The following ZSCAN22 variants were observed in gnomAD, a reference collection of about 807,000 sequenced individuals.
ZSCAN22 encodes zinc finger and SCAN domain-containing protein 22.
ZSCAN22 carries 7 observed loss-of-function variants against 12.4 expected under a neutral mutation model. The observed-to-expected ratio is 0.57, with a 90% CI of 0.32 to 1.06. The LOEUF is 1.06. ZSCAN22 is among the 50% of genes least tolerant of loss of function. ZSCAN22 has a pLI of 0.04. For missense variants in ZSCAN22, 576 were observed against 631.7 expected, an observed-to-expected ratio of 0.91 and a Z score of 0.94; for synonymous variants, 243 against 255.9, an observed-to-expected ratio of 0.95 and a Z score of 0.48.
intron 1 of ZSCAN22, among the ~76,000 whole-genome samples, chr19:58,327,338 G>T (rs2147979014): frequency 6.6e-6 from 1 of 152,218 alleles, no homozygotes; most frequent in Non-Finnish European, 1.5e-5. Context: ...GACCGTGTGT[G>T]CACGGACTGA....
At chr19:58,331,177 T>G (rs141858770) in intron 1 of ZSCAN22, among the ~76,000 whole-genome samples, 63 of 151,306 alleles carry the variant, frequency 4.2e-4, no homozygotes, top group Non-Finnish European at 3.8e-4. Flanking sequence ...AGGCCTGACT[T>G]AAATAAGGGA....
chr19:58,331,617 T>C (rs554654175), intron 1 of ZSCAN22, among the ~76,000 whole-genome samples: 16 of 150,126 alleles, frequency 1.1e-4, no homozygotes, highest in South Asian at 8.4e-4. Context: ...TGATCTCGGC[T>C]CACTGCAATC....
rs774929434 is a variant in ZSCAN22 at position 58,334,889 on chromosome 19, C to T, written c.87C>T (p.Ala29=). ...TGAAGGTGGAGGAGGAAGAGGAAGC[C>T]AGCCTCTCCCAGGGCGGAGAATCCA... is the stretch of plus-strand genomic sequence containing the variant. ...LQVKVEEEEE[A]SLSQGGESSH... is the part of the protein sequence containing the mutation. Residue 29 remains alanine (A), a synonymous_variant, in exon 2 of 3, where the codon GCC becomes GCT. Coordinates refer to ENST00000329665, the MANE Select transcript of ZSCAN22 (RefSeq NM_181846.3). The T allele has an allele frequency of 6.2e-7, 1 of 1,614,030 alleles. No individual in the cohort carries two copies. The highest frequency in any genetic ancestry group is 8.5e-7 in the Non-Finnish European group (1 of 1,180,034).
Position 58,339,356 on chromosome 19 carries a change from G to C in ZSCAN22, c.*30G>C. On this transcript the variant is annotated 3_prime_UTR_variant, in exon 3 of 3. Coordinates refer to ENST00000329665, the MANE Select transcript of ZSCAN22 (RefSeq NM_181846.3). This position sits in a 1 kb window ranked among gnomAD's most constrained non-coding sequence, Gnocchi z 5.6. Reference sequence around the variant, plus strand: ...AAGTCGCCCCTGGGGGCGTAGCACAGCGTCTTCTCGGAGGCTCGAGGTCTA... The same window carrying C: ...AAGTCGCCCCTGGGGGCGTAGCACACCGTCTTCTCGGAGGCTCGAGGTCTA... The C allele has an allele frequency of 1.9e-6, 3 of 1,547,612 alleles. No individual in the cohort carries two copies. The highest frequency in any genetic ancestry group is 1.7e-6 in the Non-Finnish European group (2 of 1,145,490).
Position 58,338,682 on chromosome 19 carries a change from C to T in ZSCAN22, c.832C>T (p.Gln278Ter), listed in dbSNP as rs770632398. The change falls in exon 3 of 3, where the codon CAG becomes TAG. Residue 278 changes from glutamine (Q) to a stop codon, truncating the protein, a stop_gained. Coordinates refer to ENST00000329665, the MANE Select transcript of ZSCAN22 (RefSeq NM_181846.3). LOFTEE classifies it low-confidence loss of function (END_TRUNC). This position sits in a 1 kb window ranked among gnomAD's most constrained non-coding sequence, Gnocchi z 5.4. ...SKCRECRKMF[Q>*]SASALEAHQK... ...GTGTCGCGAGTGTAGGAAGATGTTC[C>T]AGAGTGCTTCGGCGCTCGAGGCACA... 1.2e-6 allele frequency: 2 copies of T among 1,614,230 alleles called. No individual in the cohort carries two copies. Among genetic ancestry groups the T allele is most frequent in the South Asian group, 2.2e-5 (2 of 91,086 alleles).
At position 58,339,313 on chromosome 19, in the gene ZSCAN22, C is replaced by A. The variant is rs772794450; in HGVS notation, c.1463C>A (p.Thr488Lys). The stretch of plus-strand genomic sequence containing the variant: ...ATGGTTCACTTGCGGATCCACATCA[C>A]GGTGCTGCAATGACCGGAAGTCGCC... ...ALMVHLRIHI[T>K]VLQ The change falls in exon 3 of 3, where the codon ACG (threonine) becomes AAG (lysine). Residue 488 changes from threonine to lysine, a missense_variant. Thr to Lys is a moderately conservative substitution (Grantham distance 78, BLOSUM62 -1). Coordinates refer to ENST00000329665, the MANE Select transcript of ZSCAN22 (RefSeq NM_181846.3). This position sits in a 1 kb window ranked among gnomAD's most constrained non-coding sequence, Gnocchi z 5.6. 6.2e-7 allele frequency: 1 copy of A among 1,608,522 alleles called. No individual in the cohort carries two copies. The highest frequency in any genetic ancestry group is 1.1e-5 in the South Asian group (1 of 90,432).
rs1348827035 is a variant in ZSCAN22, at chr19:58,335,052, T to C, written c.250T>C (p.Ser84Pro). ...TCAGTGGCTGCAGCCCGAGGCGCAC[T>C]CCAAGGAGCAGATACTGGAGCTGCT... is the stretch of plus-strand genomic sequence containing the variant. The part of the protein sequence containing the change: ...CCQWLQPEAH[S>P]KEQILELLVL... The change falls in exon 2 of 3, where the codon TCC (serine) becomes CCC (proline). Residue 84 changes from serine to proline, a missense_variant. Transcript: ENST00000329665. This position sits in a 1 kb window ranked among gnomAD's most constrained non-coding sequence, Gnocchi z 4.1. The C allele has an allele frequency of 8.1e-6, 13 of 1,614,038 alleles. No individual in the cohort carries two copies. The highest frequency in any genetic ancestry group is 2.2e-5 in the East Asian group (1 of 44,870).
rs2147987855 is a variant in ZSCAN22, at chr19:58,335,396, C to G, written c.403+191C>G. Among the ~76,000 whole-genome samples, 1 of 152,274 alleles carries G rather than the reference C, an allele frequency of 6.6e-6. No individual in the cohort carries two copies. Among genetic ancestry groups the G allele is most frequent in the South Asian group, 2.1e-4 (1 of 4,830 alleles). ...GTGACCAAAAGCGAGCTGAAATGGG[C>G]TGAAGCAAAGAAGGGTAAGGAGGCA... On this transcript the variant is annotated intron_variant, in intron 2 of 2. Transcript: ENST00000329665. This position sits in a 1 kb window ranked among gnomAD's most constrained non-coding sequence, Gnocchi z 4.1.
chr19:58,333,769 G>A (rs1391356684), intron 1 of ZSCAN22, among the ~76,000 whole-genome samples: 2 of 152,226 alleles, frequency 1.3e-5, no homozygotes, highest in African/African-American at 2.4e-5. Flanking sequence ...GCTTGAACCC[G>A]GGAGGCGGAG....
chr19:58,327,177 G>A (rs1267258350), intron 1 of ZSCAN22, 63 bp downstream of exon 1: 1 of 152,646 alleles, frequency 6.6e-6, no homozygotes, highest in Non-Finnish European at 1.5e-5. Context: ...AGGTCCAGAA[G>A]CCGCGAACCT....
At position 58,341,330 on chromosome 19, in the gene ZSCAN22, G is replaced by T. The variant is rs2051872785; in HGVS notation, c.*2004G>T. The T allele has an allele frequency of 1.3e-5, 2 of 152,148 alleles. No homozygotes were observed. Among genetic ancestry groups the T allele is most frequent in the Admixed American group, 1.3e-4 (2 of 15,270 alleles). The allele number at this position is 152,148 out of a possible 1,614,324, so 9.4% of individuals were successfully genotyped here. A position where few individuals can be genotyped will look rare whatever the true frequency, so the allele number is the denominator to read the frequency against. ...TTCTCTGGTCTTCTCTCACAATGCTGCATCCCTGTCCCATTTTTAGGGTCC... is the reference window on the plus strand; with the variant it reads ...TTCTCTGGTCTTCTCTCACAATGCTTCATCCCTGTCCCATTTTTAGGGTCC... On this transcript the variant is annotated 3_prime_UTR_variant, in exon 3 of 3. Transcript: ENST00000329665.
Position 58,338,573 on chromosome 19 carries a change from G to A in ZSCAN22, c.723G>A (p.Lys241=). 1 of 1,614,258 alleles carries A rather than the reference G, an allele frequency of 6.2e-7. No homozygotes were observed. Among genetic ancestry groups the A allele is most frequent in the Non-Finnish European group, 8.5e-7 (1 of 1,180,058 alleles). The part of the protein sequence containing the change: ...SAWPNLTSQE[K]PPSEDKFDLV... ...GGCCAAACCTCACCTCCCAAGAGAA[G>A]CCTCCTTCAGAAGACAAATTTGATC... Residue 241 remains lysine, a synonymous_variant, in exon 3 of 3, where the codon AAG becomes AAA. Transcript: ENST00000329665. The surrounding 1 kb of genome is among the most constrained non-coding windows in gnomAD (Gnocchi z 5.4).
In ZSCAN22 at chr19:58,334,735, C is replaced by T. The variant is rs778043693; in HGVS notation, c.-51-17C>T. 1.4e-6 allele frequency: 2 copies of T among 1,475,876 alleles called. No individual in the cohort carries two copies. The highest frequency in any genetic ancestry group is 9.0e-7 in the Non-Finnish European group (1 of 1,111,038). The allele number at this position is 1,475,876 out of a possible 1,614,324, so 91.4% of individuals were successfully genotyped here. Reference sequence around the variant, plus strand: ...GCCCAGGTTCCATGTGATGCTGAAGCTCTGACATTCCTGCAGGCCCAGTTC... The same window carrying T: ...GCCCAGGTTCCATGTGATGCTGAAGTTCTGACATTCCTGCAGGCCCAGTTC... On this transcript the variant is annotated splice_polypyrimidine_tract_variant and intron_variant, in intron 1 of 2. Coordinates refer to ENST00000329665, the MANE Select transcript of ZSCAN22 (RefSeq NM_181846.3).
chr19:58,333,705 A>C (rs1039533558), intron 1 of ZSCAN22, among the ~76,000 whole-genome samples: 2 of 152,156 alleles, frequency 1.3e-5, no homozygotes, highest in Non-Finnish European at 2.9e-5. Context: ...TTAGCCTCAC[A>C]TGGTGGTGCA....
chr19:58,334,214 T>C (rs2051761984), intron 1 of ZSCAN22, among the ~76,000 whole-genome samples: 1 of 152,252 alleles, frequency 6.6e-6, no homozygotes, highest in African/African-American at 2.4e-5. Flanking sequence ...AACCCTTCAC[T>C]AGCTGAGGGA....
At chr19:58,337,933 CCTCTCTCTCTGT>C (rs2051816667) in intron 2 of ZSCAN22, among the ~76,000 whole-genome samples, 1 of 152,216 alleles carries the variant, frequency 6.6e-6, no homozygotes, top group Non-Finnish European at 1.5e-5. Flanking sequence ...ACAGACCCTC[CCTCTCTCTCTGT>C]CTCCAGATCA....
At chr19:58,331,517 C>A in intron 1 of ZSCAN22, among the ~76,000 whole-genome samples, 1 of 100,604 alleles carries the variant, frequency 9.9e-6, no homozygotes, top group East Asian at 2.8e-4. Flanking sequence ...GTCCAGCTGA[C>A]GTTATTATTA....
intron 1 of ZSCAN22, among the ~76,000 whole-genome samples, chr19:58,330,847 C>T (rs373973774): frequency 1.3e-5 from 2 of 152,188 alleles, no homozygotes; most frequent in Non-Finnish European, 2.9e-5. Flanking sequence ...GCTGTCCTTC[C>T]GTTGAGGCCA....
Position 58,339,343 on chromosome 19 carries a change from G to A in ZSCAN22, c.*17G>A, listed in dbSNP as rs1381572711. ...CTGCAATGACCGGAAGTCGCCCCTG[G>A]GGGCGTAGCACAGCGTCTTCTCGGA... On this transcript the variant is annotated 3_prime_UTR_variant, in exon 3 of 3. Transcript: ENST00000329665. The surrounding 1 kb of genome is among the most constrained non-coding windows in gnomAD (Gnocchi z 5.6). 1 of 1,575,138 alleles carries A rather than the reference G, an allele frequency of 6.3e-7. No individual in the cohort carries two copies. Among genetic ancestry groups the A allele is most frequent in the Non-Finnish European group, 8.6e-7 (1 of 1,158,374 alleles).
Sources: allele counts gnomAD v4.1 joint callset (sites outside exome capture counted in the v4.1 genomes callset), GRCh38; gene constraint gnomAD v4.1.1; non-coding constraint Gnocchi (gnomAD v3.1); transcripts MANE v1.5; gene names NCBI Gene and HGNC (gene_info 2026-07-23, HGNC 2026-07-21).